The following SYNE1 variants were observed in gnomAD, a reference collection of about 807,000 sequenced individuals.
The protein encoded by SYNE1 is nesprin-1.
Under a neutral mutation model 1,111.0 loss-of-function variants are expected in SYNE1, and 616 were observed. The ratio of observed to expected loss-of-function variants is 0.55; its 90% CI spans 0.52 to 0.59. The LOEUF is 0.59. Among genes scored for constraint, SYNE1 ranks in the 20% least tolerant of loss-of-function variants. SYNE1 has a pLI of 0.00. For missense variants in SYNE1, 10,006 were observed against 10,417.0 expected (o/e 0.96, Z 1.72); for synonymous variants, 3,855 against 3,825.8 (o/e 1.01, Z -0.28).
intron 133 of SYNE1, among the ~76,000 whole-genome samples, chr6:152,153,821 C>G (rs1334491186): frequency 6.6e-6 from 1 of 152,164 alleles, no homozygotes; most frequent in East Asian, 1.9e-4. Flanking sequence ...GTAATTCATC[C>G]ATTTCAAAGT....
intron 3 of SYNE1, among the ~76,000 whole-genome samples, chr6:152,543,862 T>C (rs1236419533): frequency 6.6e-6 from 1 of 152,196 alleles, no homozygotes; most frequent in Non-Finnish European, 1.5e-5. Flanking sequence ...GTTTGTAGCC[T>C]AGGAGTAATA....
intron 123 of SYNE1, among the ~76,000 whole-genome samples, chr6:152,212,195 A>G (rs932277234): frequency 6.6e-6 from 1 of 152,166 alleles, no homozygotes; most frequent in African/African-American, 2.4e-5. Flanking sequence ...TTATATTTAC[A>G]GACTTTACAA....
At chr6:152,300,025 A>G (rs2095089750) in intron 93 of SYNE1, among the ~76,000 whole-genome samples, 1 of 152,222 alleles carries the variant, frequency 6.6e-6, no homozygotes, top group South Asian at 2.1e-4. Flanking sequence ...ATCTACATTT[A>G]ATACATGGTA....
intron 41 of SYNE1, 136 bp from the exon 42 acceptor site, chr6:152,413,667 A>C: frequency 1.2e-6 from 1 of 860,240 alleles, no homozygotes; most frequent in East Asian, 2.7e-5. Flanking sequence ...AAATTAAATT[A>C]ATGTTTATCA....
chr6:152,392,655 A>G (rs2097663643), intron 51 of SYNE1, among the ~76,000 whole-genome samples: 1 of 152,182 alleles, frequency 6.6e-6, no homozygotes. Context: ...CTCTGTAACA[A>G]ACTTGCACAT....
At chr6:152,558,923 A>T (rs748948123) in intron 3 of SYNE1, among the ~76,000 whole-genome samples, 5 of 152,068 alleles carry the variant, frequency 3.3e-5, no homozygotes, top group Non-Finnish European at 5.9e-5. Context: ...ATTCTCCAGG[A>T]TAGATAATAT....
At position 152,604,848 on chromosome 6, in the gene SYNE1, G is replaced by A. The variant is rs2099607260; in HGVS notation, c.67+23417C>T. 2.7e-5 allele frequency among the ~76,000 whole-genome samples: 4 copies of A among 150,182 alleles called. 1 individual carries two copies. In the South Asian group the frequency reaches 8.5e-4, roughly 32 times the overall value. ...GTGTGCCTGTAGTCCCAGCTACTCG[G>A]GAGGCTGAAGTAGGAGGACAGCTTG... On this transcript the variant is annotated intron_variant, in intron 3 of 145. Coordinates refer to ENST00000367255, the MANE Select transcript of SYNE1 (RefSeq NM_182961.4).
At chr6:152,539,217 A>G (rs931137216) in intron 4 of SYNE1, among the ~76,000 whole-genome samples, 9 of 152,320 alleles carry the variant, frequency 5.9e-5, no homozygotes, top group Admixed American at 2.0e-4. Context: ...CTATATAATC[A>G]TATAGACTAC....
chr6:152,461,578 C>T lies in SYNE1; in HGVS notation c.2394+19G>A. ...TGTTGGTGTCACACAGCCTATTGTG[C>T]ATTAAATTATTTTCGCACCTTGGTT... On this transcript the variant is annotated intron_variant, in intron 21 of 145. Coordinates refer to ENST00000367255, the MANE Select transcript of SYNE1 (RefSeq NM_182961.4). 6.2e-7 allele frequency: 1 copy of T among 1,613,852 alleles called. No homozygotes were observed. Among genetic ancestry groups the T allele is most frequent in the Non-Finnish European group, 8.5e-7 (1 of 1,179,858 alleles).
At chr6:152,627,954 C>T (rs547997526) in intron 3 of SYNE1, among the ~76,000 whole-genome samples, 31 of 145,556 alleles carry the variant, frequency 2.1e-4, no homozygotes, top group Non-Finnish European at 3.0e-5. Context: ...TATTATTGAA[C>T]AACAGCAGCA....
At position 152,359,574 on chromosome 6, in the gene SYNE1, C is replaced by T. The variant is rs73784328; in HGVS notation, c.10300-116G>A. On this transcript the variant is annotated intron_variant, in intron 64 of 145. Coordinates refer to ENST00000367255, the MANE Select transcript of SYNE1 (RefSeq NM_182961.4). ...GACAAGTGACCTCAGGTTATTTATT[C>T]GTCCACTCCTCCATCATTTTATCTA... 1.1e-3 allele frequency: 1,371 copies of T among 1,261,558 alleles called. 14 individuals carry two copies. The African/African-American group carries it at 0.017, about 16-fold the overall frequency. 78.1% of individuals were successfully genotyped at this position (1,261,558 alleles called of 1,614,324 possible).
At chr6:152,128,401 T>C (rs958983477) in intron 145 of SYNE1, 1 of 152,224 alleles carries the variant, frequency 6.6e-6, no homozygotes, top group Non-Finnish European at 1.5e-5. Flanking sequence ...AGGAATCACA[T>C]TGAATTAATT....
At position 152,262,031 on chromosome 6, in the gene SYNE1, C is replaced by A; in HGVS notation, c.18972+1G>T. 6.2e-7 allele frequency: 1 copy of A among 1,611,212 alleles called. No individual in the cohort carries two copies. The highest frequency in any genetic ancestry group is 8.5e-7 in the Non-Finnish European group (1 of 1,178,664). Reference sequence around the variant, plus strand: ...AATATATAATGTAAAATATTTGATACCACTTGCTCTTGTTCCTGTTCCAGA... The same window carrying A: ...AATATATAATGTAAAATATTTGATAACACTTGCTCTTGTTCCTGTTCCAGA... On this transcript the variant is annotated splice_donor_variant, in intron 101 of 145. Coordinates refer to ENST00000367255, the MANE Select transcript of SYNE1 (RefSeq NM_182961.4). LOFTEE classifies it high-confidence loss of function.
chr6:152,435,405 T>C (rs1489698208), intron 33 of SYNE1: 1 of 151,652 alleles, frequency 6.6e-6, no homozygotes, highest in Non-Finnish European at 1.5e-5. Context: ...TAAACAAACA[T>C]TAAAAGTTTA....
At chr6:152,253,817 G>GTTTT (rs1491115589) in intron 104 of SYNE1, among the ~76,000 whole-genome samples, 3,451 of 59,158 alleles carry the variant, frequency 0.058, 1,463 homozygotes, top group South Asian at 0.098. Flanking sequence ...GTAGTGGTTT[G>GTTTT]GTTTTTTTTT....
intron 3 of SYNE1, among the ~76,000 whole-genome samples, chr6:152,626,115 A>T (rs1275347789): frequency 1.3e-5 from 2 of 152,182 alleles, no homozygotes; most frequent in Non-Finnish European, 2.9e-5. Flanking sequence ...CACAACATTA[A>T]ATCATCCATA....
At chr6:152,232,956 G>C (rs985905505) in intron 112 of SYNE1, among the ~76,000 whole-genome samples, 1 of 152,210 alleles carries the variant, frequency 6.6e-6, no homozygotes, top group African/African-American at 2.4e-5. Flanking sequence ...TTGCTTAGGA[G>C]AGATTAGGCA....
chr6:152,615,303 G>C (rs2099642762), intron 3 of SYNE1, among the ~76,000 whole-genome samples: 1 of 152,068 alleles, frequency 6.6e-6, no homozygotes. Flanking sequence ...GTCAAAGTAG[G>C]ATGTTTAATA....
At position 152,155,035 on chromosome 6, in the gene SYNE1, C is replaced by G. The variant is rs140042929; in HGVS notation, c.23986G>C (p.Glu7996Gln). ...AATTTCTGCCACAATCGCCACGTCT[C>G]TTCGATTCTGGGGCGGAAAATGAAA... ...MSMERRLKIE[E>Q]TWRLWQKFLD... is the part of the protein sequence containing the mutation. The change falls in exon 133 of 146, where the codon GAG (glutamate) becomes CAG (glutamine). Residue 7996 changes from glutamate (E) to glutamine (Q), a missense_variant. Glu to Gln is a conservative substitution (Grantham distance 29). This residue lies in a region of SYNE1 where 2,182 missense variants were observed against 2,287.8 expected (regional missense o/e 0.95). Coordinates refer to ENST00000367255, the MANE Select transcript of SYNE1 (RefSeq NM_182961.4). The G allele has an allele frequency of 6.2e-7, 1 of 1,614,104 alleles. No homozygotes were observed. Among genetic ancestry groups the G allele is most frequent in the Admixed American group, 1.7e-5 (1 of 60,022 alleles).
Sources: allele counts gnomAD v4.1 joint callset (sites outside exome capture counted in the v4.1 genomes callset), GRCh38; gene constraint gnomAD v4.1.1; regional missense constraint gnomAD v4.1.1; transcripts MANE v1.5; gene names NCBI Gene and HGNC (gene_info 2026-07-23, HGNC 2026-07-21).